The following NOP58 variants were observed in gnomAD, a reference collection of about 807,000 sequenced individuals.
NOP58 encodes NOP58 ribonucleoprotein.
Under a neutral mutation model 71.2 loss-of-function variants are expected in NOP58, and 44 were observed. The observed-to-expected ratio is 0.62, with a 90% CI of 0.49 to 0.79. NOP58 has a LOEUF of 0.79. Ranked by LOEUF, NOP58 falls within the 30% of genes least tolerant of loss-of-function variation. The pLI is 0.00. For synonymous variants in NOP58, 228 were observed against 200.3 expected, an observed-to-expected ratio of 1.14 and a Z score of -1.17; for missense variants, 538 against 620.2, an observed-to-expected ratio of 0.87 and a Z score of 1.41.
chr2:202,302,072 CTTTTTTT>C (rs1187670961), intron 13 of NOP58, among the ~76,000 whole-genome samples: 8 of 119,118 alleles, frequency 6.7e-5, no homozygotes, highest in African/African-American at 2.6e-4. Flanking sequence ...TTTTCTTTTT[CTTTTTTT>C]TTTCTTTTTT....
chr2:202,268,267 G>A (rs1473853206), intron 1 of NOP58, among the ~76,000 whole-genome samples: 1 of 152,106 alleles, frequency 6.6e-6, no homozygotes, highest in Middle Eastern at 3.2e-3. Flanking sequence ...AGGCATGGTG[G>A]CTCATGCCTG....
chr2:202,271,983 T>C (rs779613564), intron 1 of NOP58, among the ~76,000 whole-genome samples: 2 of 152,162 alleles, frequency 1.3e-5, no homozygotes, highest in African/African-American at 2.4e-5. Flanking sequence ...AACTATACTT[T>C]GCTAATAAGC....
At position 202,265,769 on chromosome 2, in the gene NOP58, C is replaced by A; in HGVS notation, c.-173C>A. 1.5e-6 allele frequency: 1 copy of A among 650,694 alleles called. No homozygotes were observed. The highest frequency in any genetic ancestry group is 2.7e-6 in the Non-Finnish European group (1 of 371,296). 40.3% of individuals were successfully genotyped at this position (650,694 alleles called of 1,614,324 possible). ...AGTAGCGCGTTCGTGCGTCCTAGTTCCAGTACAGCGTGGAGGGTTTAGGCA... is the reference window on the plus strand; with the variant it reads ...AGTAGCGCGTTCGTGCGTCCTAGTTACAGTACAGCGTGGAGGGTTTAGGCA... On this transcript the variant is annotated 5_prime_UTR_variant, in exon 1 of 15. Transcript: ENST00000264279.
intron 5 of NOP58, among the ~76,000 whole-genome samples, chr2:202,285,582 C>G (rs925583653): frequency 6.6e-6 from 1 of 151,912 alleles, no homozygotes; most frequent in African/African-American, 2.4e-5. Context: ...CTCAAGTGAT[C>G]CACTTGCCTT....
chr2:202,303,003 C>A lies in NOP58; in HGVS notation c.1485C>A (p.His495Gln). ...KKKKKRGKKKHIKEEPLSEEE... is the reference protein window; with the variant it reads ...KKKKKRGKKKQIKEEPLSEEE... ...AGAAGAAAAGGGGTAAAAAGAAACA[C>A]ATTAAGGAAGAACCACTTTCTGAGG... Residue 495 changes from histidine to glutamine, a missense_variant, in exon 14 of 15, where the codon CAC becomes CAA. Physicochemically the swap from His to Gln is conservative, Grantham distance 24. Transcript: ENST00000264279. 1 of 1,612,900 alleles carries A rather than the reference C, an allele frequency of 6.2e-7. No homozygotes were observed. Among genetic ancestry groups the A allele is most frequent in the Non-Finnish European group, 8.5e-7 (1 of 1,179,842 alleles).
intron 3 of NOP58, 50 bp from the exon 4 acceptor site, chr2:202,282,301 A>C: frequency 6.4e-7 from 1 of 1,552,926 alleles, no homozygotes. Flanking sequence ...CAAGGTCTCA[A>C]AGTTAAAAAT....
rs1688978845 is a variant in NOP58 at position 202,295,845 on chromosome 2, A to G, written c.1071+8A>G. On this transcript the variant is annotated splice_region_variant and intron_variant, in intron 10 of 14. Transcript: ENST00000264279. ...CCCAAACACAAAGGAAAGGTGTGTT[A>G]TAGGGTTTTGCTTTGTTTTTGAGGT... The G allele has an allele frequency of 1.9e-6, 3 of 1,542,524 alleles. No individual in the cohort carries two copies. The highest frequency in any genetic ancestry group is 2.6e-6 in the Non-Finnish European group (3 of 1,145,956).
Position 202,291,246 on chromosome 2 carries a change from C to T in NOP58, c.756C>T (p.Cys252=), listed in dbSNP as rs1688884042. 8 of 1,608,980 alleles carry T rather than the reference C, an allele frequency of 5.0e-6. No homozygotes were observed. Among genetic ancestry groups the T allele is most frequent in the Non-Finnish European group, 6.8e-6 (8 of 1,178,568 alleles). The change falls in exon 8 of 15, where the codon TGC becomes TGT. Residue 252 remains cysteine, a synonymous_variant. Transcript: ENST00000264279. The part of the protein sequence containing the change: ...MGTEVSEEDI[C]NILHLCTQVI... ...CAGAGGTTTCAGAAGAAGATATTTG[C>T]AATATTCTGCATCTTTGCACCCAGG... is the stretch of plus-strand genomic sequence containing the variant.
At chr2:202,274,121 A>G (rs2105838599) in intron 1 of NOP58, among the ~76,000 whole-genome samples, 1 of 152,300 alleles carries the variant, frequency 6.6e-6, no homozygotes, top group Middle Eastern at 3.4e-3. Context: ...GTGTCTCACA[A>G]TTGACGATAG....
intron 10 of NOP58, 94 bp downstream of exon 10, chr2:202,295,931 C>A: frequency 1.1e-6 from 1 of 928,960 alleles, no homozygotes; most frequent in South Asian, 3.4e-5. Context: ...ATTAAATCTT[C>A]TATTGTCTCT....
chr2:202,297,760 G>A, intron 11 of NOP58, 85 bp from the exon 12 acceptor site: 2 of 853,882 alleles, frequency 2.3e-6, no homozygotes, highest in Non-Finnish European at 3.6e-6. Flanking sequence ...CTGTTTGCTG[G>A]CCCACTGATT....
intron 2 of NOP58, 23 bp from the exon 3 acceptor site, chr2:202,277,927 A>G (rs1688632689): frequency 2.3e-6 from 3 of 1,300,558 alleles, no homozygotes; most frequent in African/African-American, 3.4e-5. Context: ...TAACATGTTT[A>G]TCTCTTTTTT....
chr2:202,268,502 T>C (rs1688455261), intron 1 of NOP58, among the ~76,000 whole-genome samples: 1 of 151,570 alleles, frequency 6.6e-6, no homozygotes, highest in African/African-American at 2.4e-5. Context: ...GCCATTGCAC[T>C]CCAGCCTGGG....
Position 202,265,779 on chromosome 2 carries a change from G to C in NOP58, c.-163G>C. 2.9e-6 allele frequency: 2 copies of C among 696,130 alleles called. No homozygotes were observed. The highest frequency in any genetic ancestry group is 2.6e-5 in the East Asian group (1 of 39,200). 43.1% of individuals were successfully genotyped at this position (696,130 alleles called of 1,614,324 possible). On this transcript the variant is annotated 5_prime_UTR_variant, in exon 1 of 15. Transcript: ENST00000264279. Reference sequence around the variant, plus strand: ...TCGTGCGTCCTAGTTCCAGTACAGCGTGGAGGGTTTAGGCAGCGTGTTCTG... The same window carrying C: ...TCGTGCGTCCTAGTTCCAGTACAGCCTGGAGGGTTTAGGCAGCGTGTTCTG...
intron 8 of NOP58, 118 bp from the exon 9 acceptor site, chr2:202,292,659 C>G: frequency 1.2e-5 from 9 of 766,714 alleles, no homozygotes; most frequent in Non-Finnish European, 1.8e-5. Flanking sequence ...GTGATGTACC[C>G]AGTACCCAGG....
chr2:202,297,995 G>A (rs1689022549), intron 12 of NOP58, 89 bp downstream of exon 12: 5 of 758,814 alleles, frequency 6.6e-6, no homozygotes, highest in African/African-American at 1.8e-5. Context: ...TCACCTTGAT[G>A]TGCCCATAGT....
chr2:202,266,668 T>C (rs1198549859), intron 1 of NOP58, among the ~76,000 whole-genome samples: 1 of 152,204 alleles, frequency 6.6e-6, no homozygotes, highest in African/African-American at 2.4e-5. Flanking sequence ...TTAATACGGT[T>C]ACTCTGCTGT....
At chr2:202,278,251 T>G (rs1273661105) in intron 3 of NOP58, 3 of 592,064 alleles carry the variant, frequency 5.1e-6, no homozygotes, top group Non-Finnish European at 9.8e-6. Flanking sequence ...TGAGAAGTGG[T>G]TAAGTTGATC....
In NOP58 at chr2:202,284,687, A is replaced by G. The variant is rs1423777454; in HGVS notation, c.434+206A>G. 2.2e-5 allele frequency: 11 copies of G among 500,766 alleles called. No homozygotes were observed. The Admixed American group carries it at 2.9e-4, about 13-fold the overall frequency. The allele number at this position is 500,766 out of a possible 1,614,324, so 31.0% of individuals were successfully genotyped here. ...GTAAAGCCAGGATTTGAACCCAGGC[A>G]GTCTGGCTCTATTGTCTGGATTCTT... On this transcript the variant is annotated intron_variant, in intron 5 of 14. Coordinates refer to ENST00000264279, the MANE Select transcript of NOP58 (RefSeq NM_015934.5).
Sources: allele counts gnomAD v4.1 joint callset (sites outside exome capture counted in the v4.1 genomes callset), GRCh38; gene constraint gnomAD v4.1.1; transcripts MANE v1.5; gene names NCBI Gene and HGNC (gene_info 2026-07-23, HGNC 2026-07-21).